STX8: variants seen among roughly 807,000 people sequenced by gnomAD.
STX8 encodes the protein syntaxin-8.
STX8 carries 23 observed loss-of-function variants against 37.5 expected under a neutral mutation model. The observed-to-expected ratio is 0.61, with a 90% confidence interval of 0.44 to 0.87. The LOEUF (loss-of-function observed/expected upper bound fraction) is 0.87. Ranked by LOEUF, STX8 falls within the 40% of genes least tolerant of loss-of-function variation. The pLI, the probability that STX8 is intolerant of heterozygous loss-of-function variation, is 0.00. For synonymous variants in STX8, 115 were observed against 99.1 expected, an observed-to-expected ratio of 1.16 and a Z score of -0.95; for missense variants, 313 against 284.7, an observed-to-expected ratio of 1.10 and a Z score of -0.71.
intron 6 of STX8, among the ~76,000 whole-genome samples, chr17:9,454,513 C>T (rs1175964946): frequency 6.6e-6 from 1 of 150,504 alleles, no homozygotes; most frequent in African/African-American, 2.5e-5. Flanking sequence ...CCCATCTCTA[C>T]TAAAAAAATA....
intron 6 of STX8, among the ~76,000 whole-genome samples, chr17:9,446,764 C>CT (rs1904865464): frequency 1.3e-5 from 2 of 152,238 alleles, no homozygotes; most frequent in Admixed American, 1.3e-4. Context: ...CCAAGAATGA[C>CT]TGAGTAGCAG....
At chr17:9,386,411 C>T (rs1567807047) in intron 6 of STX8, among the ~76,000 whole-genome samples, 1 of 152,042 alleles carries the variant, frequency 6.6e-6, no homozygotes. Flanking sequence ...AAGTGGTTGC[C>T]TCTGGGGTGC....
intron 7 of STX8, among the ~76,000 whole-genome samples, chr17:9,326,908 C>T (rs1286646108): frequency 2.0e-5 from 3 of 152,146 alleles, no homozygotes; most frequent in Non-Finnish European, 4.4e-5. Context: ...GCCTGTAATC[C>T]CAGCAGTTTG....
intron 2 of STX8, among the ~76,000 whole-genome samples, chr17:9,565,206 T>G (rs2151917868): frequency 6.6e-6 from 1 of 152,010 alleles, no homozygotes; most frequent in Non-Finnish European, 1.5e-5. Context: ...AGACTCTGTC[T>G]CAAAAAGAAA....
At chr17:9,464,281 G>A (rs577331012) in intron 6 of STX8, among the ~76,000 whole-genome samples, 2 of 148,284 alleles carry the variant, frequency 1.3e-5, no homozygotes, top group South Asian at 2.1e-4. Context: ...GGTGAGGGAT[G>A]TAAATTATGA....
chr17:9,472,776 G>A (rs1441292731), intron 6 of STX8, among the ~76,000 whole-genome samples: 1 of 152,186 alleles, frequency 6.6e-6, no homozygotes, highest in African/African-American at 2.4e-5. Flanking sequence ...CCCAGGGCCT[G>A]AGGAGAGATG....
At chr17:9,348,287 G>A (rs755947018) in intron 7 of STX8, among the ~76,000 whole-genome samples, 27 of 151,802 alleles carry the variant, frequency 1.8e-4, no homozygotes, top group Admixed American at 9.2e-4. Context: ...GGCGTGGTGC[G>A]GACGCCTGTA....
chr17:9,491,934 A>G lies in STX8; in HGVS notation c.449-13T>C. ...CCTGCGTCCTGTTCTGAAAGAAAAA[A>G]GAAAAATAATTAACTAGAAACTAGA... On this transcript the variant is annotated splice_polypyrimidine_tract_variant and intron_variant, in intron 5 of 7. Coordinates refer to ENST00000306357, the MANE Select transcript of STX8 (RefSeq NM_004853.3). The G allele has an allele frequency of 6.3e-7, 1 of 1,585,432 alleles. No homozygotes were observed. The highest frequency in any genetic ancestry group is 8.6e-7 in the Non-Finnish European group (1 of 1,163,344).
At chr17:9,558,550 G>A (rs1907073123) in intron 2 of STX8, among the ~76,000 whole-genome samples, 1 of 152,182 alleles carries the variant, frequency 6.6e-6, no homozygotes, top group South Asian at 2.1e-4. Context: ...AAAGAGAAAA[G>A]AGCGGCCGGG....
chr17:9,444,203 T>G (rs1300894849), intron 6 of STX8, among the ~76,000 whole-genome samples: 2 of 152,182 alleles, frequency 1.3e-5, no homozygotes, highest in African/African-American at 4.8e-5. Context: ...TGTCCCAGGC[T>G]GGTCTCAAAC....
At chr17:9,363,940 G>A (rs990051048) in intron 7 of STX8, among the ~76,000 whole-genome samples, 1 of 152,060 alleles carries the variant, frequency 6.6e-6, no homozygotes, top group Non-Finnish European at 1.5e-5. Flanking sequence ...TCTCTCAAAG[G>A]CTTCAATTTG....
chr17:9,498,282 T>C (rs759397129), intron 5 of STX8, among the ~76,000 whole-genome samples: 1 of 151,514 alleles, frequency 6.6e-6, no homozygotes, highest in Non-Finnish European at 1.5e-5. Flanking sequence ...CCCAGCTACT[T>C]GGGAGGCTGA....
intron 6 of STX8, among the ~76,000 whole-genome samples, chr17:9,384,447 G>T (rs1472145576): frequency 1.3e-5 from 2 of 152,070 alleles, no homozygotes; most frequent in Non-Finnish European, 2.9e-5. Context: ...GACCATCCTG[G>T]CTAACATGGT....
At chr17:9,560,678 T>A (rs1206570583) in intron 2 of STX8, among the ~76,000 whole-genome samples, 1 of 151,696 alleles carries the variant, frequency 6.6e-6, no homozygotes, top group African/African-American at 2.4e-5. Flanking sequence ...AACATACATG[T>A]CTACTTGAAA....
intron 5 of STX8, among the ~76,000 whole-genome samples, chr17:9,494,885 G>A (rs1414624744): frequency 6.6e-6 from 1 of 152,064 alleles, no homozygotes; most frequent in Non-Finnish European, 1.5e-5. Context: ...AGAACACTGT[G>A]AAGCTGAGTG....
At chr17:9,251,791 T>C (rs1461199228) in intron 7 of STX8, among the ~76,000 whole-genome samples, 1 of 152,248 alleles carries the variant, frequency 6.6e-6, no homozygotes, top group Non-Finnish European at 1.5e-5. Flanking sequence ...GGGTTCAATG[T>C]GGATCAGGCC....
At chr17:9,538,762 G>A (rs1355184478) in intron 4 of STX8, among the ~76,000 whole-genome samples, 1 of 152,130 alleles carries the variant, frequency 6.6e-6, no homozygotes, top group Non-Finnish European at 1.5e-5. Context: ...AGAGTTGGTG[G>A]TGTGAAGATT....
intron 6 of STX8, among the ~76,000 whole-genome samples, chr17:9,426,051 C>A (rs1229606783): frequency 9.1e-6 from 1 of 109,396 alleles, no homozygotes; most frequent in Non-Finnish European, 1.8e-5. Flanking sequence ...TTAATTAGAA[C>A]CTAGACAATC....
chr17:9,329,979 C>T lies in STX8; in HGVS notation c.643+48573G>A, dbSNP rs79685999. Among the ~76,000 whole-genome samples the T allele has an allele frequency of 3.9e-3, 593 of 152,134 alleles. 6 individuals are homozygous for T. Among genetic ancestry groups the T allele is most frequent in the African/African-American group, 0.013 (560 of 41,490 alleles). On this transcript the variant is annotated intron_variant, in intron 7 of 7. Coordinates refer to ENST00000306357, the MANE Select transcript of STX8 (RefSeq NM_004853.3). The stretch of plus-strand genomic sequence containing the variant: ...TCCTGAGGCAGAGGGTGCAGCTGGT[C>T]ATAGCTAAGAGGAAGGTGAAGGTGT...
Sources: gnomAD v4.1 joint callset for allele counts (sites outside exome capture counted in the v4.1 genomes callset) on GRCh38, gnomAD v4.1.1 for gene constraint, MANE v1.5 for transcripts, NCBI Gene and HGNC (gene_info 2026-07-23, HGNC 2026-07-21) for gene names.